MBNL1: variants seen among roughly 807,000 people sequenced by gnomAD.
MBNL1 encodes the protein muscleblind-like protein 1.
MBNL1 carries 8 observed loss-of-function variants against 42.2 expected under a neutral mutation model. The observed-to-expected ratio is 0.19, with a 90% CI of 0.11 to 0.34. MBNL1 has a LOEUF of 0.34. Among genes scored for constraint, MBNL1 ranks in the 10% least tolerant of loss-of-function variants. The probability of loss-of-function intolerance (pLI) is 1.00; values close to 1 mark genes in which losing one functional copy is unlikely to be tolerated. For missense variants in MBNL1, 309 were observed against 495.3 expected, an observed-to-expected ratio of 0.62 and a Z score of 3.57; for synonymous variants, 169 against 173.9, an observed-to-expected ratio of 0.97 and a Z score of 0.22.
intron 2 of MBNL1, among the ~76,000 whole-genome samples, chr3:152,334,858 A>G (rs1049657248): frequency 6.6e-6 from 1 of 152,200 alleles, no homozygotes; most frequent in Non-Finnish European, 1.5e-5. Flanking sequence ...TCATAGTAAC[A>G]GTGTATTCAT....
intron 4 of MBNL1, among the ~76,000 whole-genome samples, chr3:152,434,979 C>A (rs966990678): frequency 6.6e-6 from 1 of 152,026 alleles, no homozygotes; most frequent in Non-Finnish European, 1.5e-5. Context: ...ATATTTTCTC[C>A]CATTCTGTAG....
intron 9 of MBNL1, among the ~76,000 whole-genome samples, chr3:152,460,641 TCTTAAATA>T (rs1331886340): frequency 6.6e-6 from 1 of 151,792 alleles, no homozygotes; most frequent in Admixed American, 6.6e-5. Context: ...AAAACCACTG[TCTTAAATA>T]CTTAAAAAGG....
In MBNL1 at chr3:152,389,968, C is replaced by T. The variant is rs567551771; in HGVS notation, c.175-24973C>T. Among the ~76,000 whole-genome samples the T allele has an allele frequency of 5.3e-5, 8 of 151,954 alleles. No homozygotes were observed. The East Asian group carries it at 5.8e-4, about 11-fold the overall frequency. On this transcript the variant is annotated intron_variant, in intron 2 of 9. Transcript: ENST00000324210. ...TCAGCTCACTGCAACATATGCCTCC[C>T]GGGTTCAAGAAATTCTCCTGCCTCA...
chr3:152,380,065 A>T (rs2097114866), intron 2 of MBNL1, among the ~76,000 whole-genome samples: 1 of 152,218 alleles, frequency 6.6e-6, no homozygotes, highest in East Asian at 1.9e-4. Context: ...TTTTTATACC[A>T]TTGCTCAGTA....
intron 1 of MBNL1, chr3:152,269,739 T>C (rs116501216): frequency 2.1e-3 from 513 of 248,072 alleles, no homozygotes; most frequent in African/African-American, 0.011. Context: ...CTTTTTTTTT[T>C]CATCGTTTTG....
chr3:152,416,917 CAAAG>C (rs1280668444), intron 3 of MBNL1, among the ~76,000 whole-genome samples: 3 of 152,156 alleles, frequency 2.0e-5, no homozygotes, highest in South Asian at 2.1e-4. Flanking sequence ...TCTGCTTAGA[CAAAG>C]AAATTATTTT....
intron 2 of MBNL1, among the ~76,000 whole-genome samples, chr3:152,256,923 A>G (rs1472154300): frequency 2.0e-5 from 3 of 152,126 alleles, no homozygotes; most frequent in Admixed American, 2.0e-4. Flanking sequence ...GTTGTCCCCA[A>G]GGCAGTTGGA....
chr3:152,340,788 AGGG>A (rs1560211572), intron 2 of MBNL1: 1 of 1,614,056 alleles, frequency 6.2e-7, no homozygotes, highest in Non-Finnish European at 8.5e-7. Context: ...ATCCAGCAGA[AGGG>A]GACTGGACAG....
intron 1 of MBNL1, among the ~76,000 whole-genome samples, chr3:152,275,707 CAAAAAAAAA>C (rs60796721): frequency 3.4e-5 from 1 of 29,644 alleles, no homozygotes; most frequent in Admixed American, 4.3e-4. Flanking sequence ...ACTCTTGTCT[CAAAAAAAAA>C]AAAAAAAAAA....
intron 1 of MBNL1, among the ~76,000 whole-genome samples, chr3:152,272,714 G>A (rs977188531): frequency 6.6e-6 from 1 of 152,112 alleles, no homozygotes; most frequent in Non-Finnish European, 1.5e-5. Context: ...TGTTTCTAAC[G>A]TAACATTATG....
chr3:152,348,969 C>CT (rs1247476944), intron 2 of MBNL1, among the ~76,000 whole-genome samples: 36 of 152,052 alleles, frequency 2.4e-4, no homozygotes, highest in African/African-American at 8.7e-4. Context: ...TGTTGGAAGT[C>CT]TTAGGACATT....
intron 2 of MBNL1, among the ~76,000 whole-genome samples, chr3:152,387,100 T>C (rs959500656): frequency 6.6e-6 from 1 of 152,114 alleles, no homozygotes; most frequent in Non-Finnish European, 1.5e-5. Flanking sequence ...GAAGGAAAAC[T>C]ATGAATCTCT....
At chr3:152,285,465 A>G (rs1476960352) in intron 1 of MBNL1, among the ~76,000 whole-genome samples, 1 of 152,204 alleles carries the variant, frequency 6.6e-6, no homozygotes, top group Admixed American at 6.5e-5. Flanking sequence ...AATATAACCA[A>G]CCATCTCTTA....
chr3:152,345,485 A>G (rs2094092464), intron 2 of MBNL1, among the ~76,000 whole-genome samples: 1 of 152,154 alleles, frequency 6.6e-6, no homozygotes, highest in Non-Finnish European at 1.5e-5. Flanking sequence ...TTGATTTCCT[A>G]TGTGGAAATA....
chr3:152,458,402 A>G (rs1738079416), intron 8 of MBNL1: 3 of 556,594 alleles, frequency 5.4e-6, no homozygotes, highest in Middle Eastern at 4.5e-4. Flanking sequence ...TGATTTCATT[A>G]TTCTCCCAAC....
intron 2 of MBNL1, among the ~76,000 whole-genome samples, chr3:152,317,066 A>G (rs1262648249): frequency 2.6e-5 from 4 of 152,052 alleles, no homozygotes; most frequent in Non-Finnish European, 2.9e-5. Context: ...ACCGTTTCCT[A>G]TGATTTTTGG....
intron 2 of MBNL1, among the ~76,000 whole-genome samples, chr3:152,363,549 T>G (rs2096145576): frequency 6.6e-6 from 1 of 152,208 alleles, no homozygotes; most frequent in South Asian, 2.1e-4. Context: ...TTGTTGTCTT[T>G]GTCCAGTGTT....
rs549679340 is a variant in MBNL1 at position 152,402,205 on chromosome 3, T to C, written c.175-12736T>C. On this transcript the variant is annotated intron_variant, in intron 2 of 9. Coordinates refer to ENST00000324210, the MANE Select transcript of MBNL1 (RefSeq NM_021038.5). Reference sequence around the variant, plus strand: ...TGACCTGAGTGATGGGAACCAGGGGTTGCAAGGTAAAGAACGTGCTAGGAG... The same window carrying C: ...TGACCTGAGTGATGGGAACCAGGGGCTGCAAGGTAAAGAACGTGCTAGGAG... Among the ~76,000 whole-genome samples the C allele has an allele frequency of 2.0e-5, 3 of 152,078 alleles. No homozygotes were observed. The South Asian group carries it at 6.2e-4, about 32-fold the overall frequency.
At chr3:152,372,448 C>T (rs1267933646) in intron 2 of MBNL1, among the ~76,000 whole-genome samples, 1 of 152,162 alleles carries the variant, frequency 6.6e-6, no homozygotes, top group African/African-American at 2.4e-5. Flanking sequence ...TGCCTTTGGT[C>T]TTTGATGTTG....
Sources: allele counts gnomAD v4.1 joint callset (sites outside exome capture counted in the v4.1 genomes callset), GRCh38; gene constraint gnomAD v4.1.1; transcripts MANE v1.5; gene names NCBI Gene and HGNC (gene_info 2026-07-23, HGNC 2026-07-21).